The following FER variants were observed in gnomAD, a reference collection of about 807,000 sequenced individuals.
The protein encoded by FER is FER tyrosine kinase.
A neutral mutation model predicts 111.0 loss-of-function variants in FER; 63 were observed. That is an observed-to-expected ratio of 0.57 (90% CI 0.46 to 0.70). The LOEUF (loss-of-function observed/expected upper bound fraction) is 0.70, where lower values mean the gene tolerates loss of function less well. FER is among the 30% of genes least tolerant of loss of function. The pLI, the probability that FER is intolerant of heterozygous loss-of-function variation, is 0.00. For missense variants in FER, 914 were observed against 954.0 expected (o/e 0.96, Z 0.55); for synonymous variants, 327 against 313.9 (o/e 1.04, Z -0.44).
intron 17 of FER, among the ~76,000 whole-genome samples, chr5:109,160,129 A>C (rs1303498301): frequency 6.6e-6 from 1 of 152,174 alleles, no homozygotes; most frequent in Admixed American, 6.6e-5. Context: ...AGTATAAGAA[A>C]AACAAGGCAT....
At chr5:109,104,865 C>A (rs1748688972) in intron 17 of FER, among the ~76,000 whole-genome samples, 1 of 152,002 alleles carries the variant, frequency 6.6e-6, no homozygotes, top group African/African-American at 2.4e-5. Context: ...ACCTCAGCCT[C>A]ATGAGTAGCT....
chr5:109,191,939 T>C lies in FER; in HGVS notation c.*4364T>C, dbSNP rs1759413355. The stretch of plus-strand genomic sequence containing the variant: ...AAAAATTCCCCTTTAAAAAAAATGC[T>C]GTCCTACAGAAGGTGTATAAACTAT... On this transcript the variant is annotated 3_prime_UTR_variant, in exon 20 of 20. Transcript: ENST00000281092. 1 of 152,142 alleles carries C rather than the reference T, an allele frequency of 6.6e-6. No homozygotes were observed. The highest frequency in any genetic ancestry group is 2.4e-5 in the African/African-American group (1 of 41,442). 9.4% of individuals were successfully genotyped at this position (152,142 alleles called of 1,614,324 possible). A position where few individuals can be genotyped will look rare whatever the true frequency, so the allele number is the denominator to read the frequency against.
intron 2 of FER, among the ~76,000 whole-genome samples, chr5:108,783,108 C>T (rs528565500): frequency 6.6e-6 from 1 of 152,006 alleles, no homozygotes; most frequent in Non-Finnish European, 1.5e-5. Flanking sequence ...AATGTTGGAT[C>T]TTTTGTTGTT....
intron 10 of FER, among the ~76,000 whole-genome samples, chr5:108,935,563 C>A (rs1755345963): frequency 2.6e-5 from 4 of 152,038 alleles, no homozygotes; most frequent in Admixed American, 2.0e-4. Flanking sequence ...GTGGTAGTCA[C>A]CATCCAACCC....
chr5:108,788,534 C>G (rs1011003391), intron 2 of FER, among the ~76,000 whole-genome samples: 3 of 146,218 alleles, frequency 2.1e-5, no homozygotes, highest in African/African-American at 5.0e-5. Context: ...ACACTAATAT[C>G]TTTTTTTTTT....
intron 16 of FER, chr5:109,052,037 C>G (rs1561830270): frequency 8.8e-6 from 14 of 1,596,996 alleles, no homozygotes; most frequent in Non-Finnish European, 1.2e-5. Context: ...TTACCATGCT[C>G]TTCAATACCA....
At chr5:108,782,019 G>C (rs916285142) in intron 2 of FER, among the ~76,000 whole-genome samples, 2 of 151,858 alleles carry the variant, frequency 1.3e-5, no homozygotes, top group African/African-American at 4.8e-5. Context: ...TTATGACTGA[G>C]TCCCCCTGGC....
At position 108,921,777 on chromosome 5, in the gene FER, T is replaced by G. The variant is rs185115717; in HGVS notation, c.1236+23929T>G. 1.2e-3 allele frequency among the ~76,000 whole-genome samples: 190 copies of G among 152,206 alleles called. 1 individual carries two copies. The highest frequency in any genetic ancestry group is 4.2e-3 in the African/African-American group (175 of 41,538). On this transcript the variant is annotated intron_variant, in intron 10 of 19. Coordinates refer to ENST00000281092, the MANE Select transcript of FER (RefSeq NM_005246.4). ...CTTTTAGAATGGCCCAACAACAGGT[T>G]TAAAATCAGAAATCAAACAGTAGGA...
At chr5:109,156,545 T>A (rs1755409403) in intron 17 of FER, among the ~76,000 whole-genome samples, 2 of 151,690 alleles carry the variant, frequency 1.3e-5, no homozygotes, top group South Asian at 4.2e-4. Flanking sequence ...GTCATGAGCA[T>A]ATAGATGACA....
At chr5:108,966,688 G>A (rs1759892368) in intron 13 of FER, among the ~76,000 whole-genome samples, 1 of 151,604 alleles carries the variant, frequency 6.6e-6, no homozygotes, top group Non-Finnish European at 1.5e-5. Context: ...GCCTGGCCAA[G>A]TATTTATTAT....
chr5:108,797,363 A>G (rs922684915), intron 2 of FER, among the ~76,000 whole-genome samples: 11 of 152,058 alleles, frequency 7.2e-5, no homozygotes, highest in Non-Finnish European at 1.6e-4. Flanking sequence ...GCACTCCTGT[A>G]GCCTCCCTCT....
intron 17 of FER, among the ~76,000 whole-genome samples, chr5:109,158,504 TA>T (rs1180572046): frequency 6.6e-6 from 1 of 152,182 alleles, no homozygotes; most frequent in Non-Finnish European, 1.5e-5. Context: ...ATGCTTCACT[TA>T]AGAATACCAA....
At chr5:109,022,693 T>C (rs1413177638) in intron 13 of FER, among the ~76,000 whole-genome samples, 4 of 152,124 alleles carry the variant, frequency 2.6e-5, no homozygotes, top group Non-Finnish European at 5.9e-5. Context: ...GGAGACACGA[T>C]TCAAGTCAAG....
chr5:108,822,754 TTTTATTTTA>T (rs1427139741), intron 3 of FER, among the ~76,000 whole-genome samples: 963 of 88,120 alleles, frequency 0.011, 15 homozygotes, highest in African/African-American at 0.061. Context: ...TTTTATTTTA[TTTTATTTTA>T]TTTATTTTAT....
intron 3 of FER, among the ~76,000 whole-genome samples, chr5:108,822,666 C>G (rs1446763079): frequency 2.0e-5 from 3 of 151,576 alleles, no homozygotes; most frequent in Non-Finnish European, 4.4e-5. Flanking sequence ...TCCATTAGGC[C>G]CTACCTACCA....
At position 109,192,981 on chromosome 5, in the gene FER, A is replaced by C; in HGVS notation, c.*5406A>C. On this transcript the variant is annotated 3_prime_UTR_variant, in exon 20 of 20. Coordinates refer to ENST00000281092, the MANE Select transcript of FER (RefSeq NM_005246.4). ...AGGTTGAAAGGAAATGAAGGGCAGT[A>C]ACAAAGCACCAATGTAAAATGACCC... 6.6e-6 allele frequency: 1 copy of C among 152,208 alleles called. No homozygotes were observed. Among genetic ancestry groups the C allele is most frequent in the East Asian group, 1.9e-4 (1 of 5,196 alleles). 9.4% of individuals were successfully genotyped at this position (152,208 alleles called of 1,614,324 possible). A position where few individuals can be genotyped will look rare whatever the true frequency, so the allele number is the denominator to read the frequency against.
intron 8 of FER, among the ~76,000 whole-genome samples, chr5:108,873,067 C>T (rs890284326): frequency 4.6e-5 from 7 of 151,882 alleles, no homozygotes; most frequent in South Asian, 2.1e-4. Flanking sequence ...GGTGGTGGTA[C>T]GGGTAATTAG....
intron 3 of FER, among the ~76,000 whole-genome samples, chr5:108,817,103 C>CAAAAAAAAAAAAAAAA (rs70999913): frequency 8.4e-5 from 5 of 59,202 alleles, no homozygotes; most frequent in African/African-American, 1.3e-4. Flanking sequence ...GACACTGTCT[C>CAAAAAAAAAAAAAAAA]AAAAAAAAAA....
chr5:108,936,807 G>A (rs985591952), intron 10 of FER, among the ~76,000 whole-genome samples: 1 of 151,854 alleles, frequency 6.6e-6, no homozygotes, highest in African/African-American at 2.4e-5. Context: ...TATAAGTACA[G>A]CAAACTAGTT....
Sources: allele counts gnomAD v4.1 joint callset (sites outside exome capture counted in the v4.1 genomes callset), GRCh38; gene constraint gnomAD v4.1.1; transcripts MANE v1.5; gene names NCBI Gene and HGNC (gene_info 2026-07-23, HGNC 2026-07-21).